CUX1: variants seen among roughly 807,000 people sequenced by gnomAD.
CUX1 encodes the protein protein CASP.
CUX1 carries 31 observed loss-of-function variants against 158.8 expected under a neutral mutation model. The ratio of observed to expected loss-of-function variants is 0.20; its 90% confidence interval spans 0.15 to 0.26. CUX1 has a LOEUF of 0.26. Among genes scored for constraint, CUX1 ranks in the 10% least tolerant of loss-of-function variants. CUX1 has a pLI of 1.00. For missense variants in CUX1, 1,589 were observed against 2,014.6 expected (o/e 0.79, Z 4.04); for synonymous variants, 879 against 862.1 (o/e 1.02, Z -0.34).
chr7:101,872,309 T>G (rs2131467913), intron 1 of CUX1, among the ~76,000 whole-genome samples: 1 of 152,100 alleles, frequency 6.6e-6, no homozygotes, highest in South Asian at 2.1e-4. Context: ...AATTTTTGTA[T>G]TTTTAGTAGA....
At chr7:102,178,769 C>T (rs111389141) in intron 11 of CUX1, 112 bp downstream of exon 11, 1 of 1,170,814 alleles carries the variant, frequency 8.5e-7, no homozygotes. Flanking sequence ...GTGTGGCAAC[C>T]TTGAACCTCT....
chr7:101,957,804 G>C (rs1809953570), intron 2 of CUX1, among the ~76,000 whole-genome samples: 1 of 152,166 alleles, frequency 6.6e-6, no homozygotes, highest in South Asian at 2.1e-4. Context: ...GTCCAAGTCT[G>C]CAAAATAGAG....
chr7:101,843,719 C>T (rs1324046609), intron 1 of CUX1, among the ~76,000 whole-genome samples: 8 of 152,126 alleles, frequency 5.3e-5, no homozygotes, highest in Non-Finnish European at 1.0e-4. Context: ...GACCTCGTTT[C>T]CTCCCTTCAG....
At chr7:102,127,206 T>C (rs782676719) in intron 8 of CUX1, among the ~76,000 whole-genome samples, 2 of 152,158 alleles carry the variant, frequency 1.3e-5, no homozygotes, top group Non-Finnish European at 2.9e-5. Flanking sequence ...GCTTTCTTTT[T>C]TCTTTTTTTT....
chr7:101,935,671 G>A (rs550417158), intron 2 of CUX1, among the ~76,000 whole-genome samples: 191 of 152,304 alleles, frequency 1.3e-3, no homozygotes, highest in Non-Finnish European at 2.3e-3. Context: ...GGGCTCTGGG[G>A]ATGTGTAGGA....
chr7:102,252,965 C>CT lies in CUX1; in HGVS notation c.*3924dup. The CT allele has an allele frequency of 1.0e-6, 1 of 985,426 alleles. No individual in the cohort carries two copies. The allele number at this position is 985,426 out of a possible 1,614,324, so 61.0% of individuals were successfully genotyped here. A position where few individuals can be genotyped will look rare whatever the true frequency, so the allele number is the denominator to read the frequency against. On this transcript the variant is annotated 3_prime_UTR_variant, in exon 24 of 24. Coordinates refer to ENST00000292535, the MANE Select transcript of CUX1 (RefSeq NM_181552.4). ...AGGGATGCATGCATGGGAGAACTCTCTGAGAAATGCCAGGATCGTGGCTCA... is the reference window on the plus strand; with the variant it reads ...AGGGATGCATGCATGGGAGAACTCTCTTGAGAAATGCCAGGATCGTGGCTCA...
intron 1 of CUX1, among the ~76,000 whole-genome samples, chr7:101,847,078 C>G (rs78019024): frequency 6.6e-6 from 1 of 152,022 alleles, no homozygotes; most frequent in Admixed American, 6.6e-5. Context: ...CAGGAGTTCG[C>G]GGCTGCAGCA....
At chr7:101,952,412 G>A (rs1302455291) in intron 2 of CUX1, among the ~76,000 whole-genome samples, 1 of 152,124 alleles carries the variant, frequency 6.6e-6, no homozygotes, top group African/African-American at 2.4e-5. Context: ...ACAGATTCTC[G>A]GGTCTACTCC....
At chr7:102,184,195 G>A (rs1350544333) in intron 11 of CUX1, among the ~76,000 whole-genome samples, 3 of 152,204 alleles carry the variant, frequency 2.0e-5, no homozygotes, top group Non-Finnish European at 2.9e-5. Context: ...ACCATGCCCT[G>A]CAGTAGATAG....
intron 15 of CUX1, among the ~76,000 whole-genome samples, chr7:102,197,545 A>G (rs944067515): frequency 2.6e-5 from 4 of 152,202 alleles, no homozygotes; most frequent in African/African-American, 7.2e-5. Context: ...AGGAAACCCT[A>G]TAGTATTTCA....
intron 1 of CUX1, among the ~76,000 whole-genome samples, chr7:101,877,722 C>T (rs1032241123): frequency 6.7e-6 from 1 of 149,288 alleles, no homozygotes; most frequent in Non-Finnish European, 1.5e-5. Flanking sequence ...GTGTTTCTTA[C>T]ACTTTTCAAA....
intron 22 of CUX1, 107 bp from the exon 23 acceptor site, chr7:102,239,213 T>C: frequency 7.6e-7 from 1 of 1,310,506 alleles, no homozygotes; most frequent in African/African-American, 1.5e-5. Flanking sequence ...AGATGCTCTA[T>C]GCAAAGTCCT....
chr7:102,020,026 C>G (rs1182682105), intron 2 of CUX1, among the ~76,000 whole-genome samples: 2 of 152,082 alleles, frequency 1.3e-5, no homozygotes, highest in Non-Finnish European at 2.9e-5. Context: ...GCTGGGTGGC[C>G]TATACACTGT....
At chr7:101,871,541 A>C (rs1444000499) in intron 1 of CUX1, among the ~76,000 whole-genome samples, 1 of 152,156 alleles carries the variant, frequency 6.6e-6, no homozygotes, top group East Asian at 1.9e-4. Context: ...GGGCACGTGC[A>C]CAGTGAGACA....
chr7:101,874,824 A>G (rs540115140), intron 1 of CUX1, among the ~76,000 whole-genome samples: 4 of 152,312 alleles, frequency 2.6e-5, no homozygotes, highest in Admixed American at 1.3e-4. Context: ...ATTGAAGACA[A>G]TTGCACCTAA....
At chr7:102,245,637 G>C (rs1800727756) in intron 23 of CUX1, among the ~76,000 whole-genome samples, 1 of 152,106 alleles carries the variant, frequency 6.6e-6, no homozygotes, top group Non-Finnish European at 1.5e-5. Flanking sequence ...TCTCTGCAAG[G>C]AAGATACCAT....
intron 2 of CUX1, among the ~76,000 whole-genome samples, chr7:101,962,376 C>G (rs769164030): frequency 1.3e-5 from 2 of 152,176 alleles, no homozygotes; most frequent in African/African-American, 4.8e-5. Context: ...CGGGATCTTC[C>G]GTTTAAGTTT....
intron 3 of CUX1, among the ~76,000 whole-genome samples, chr7:102,032,595 G>A (rs949960270): frequency 6.6e-6 from 1 of 152,096 alleles, no homozygotes; most frequent in African/African-American, 2.4e-5. Flanking sequence ...GTTGAACTCG[G>A]GAGGCAGAGG....
intron 1 of CUX1, among the ~76,000 whole-genome samples, chr7:101,833,089 C>G (rs193112106): frequency 3.9e-5 from 6 of 151,972 alleles, no homozygotes; most frequent in South Asian, 4.1e-4. Flanking sequence ...TTCGACTGAA[C>G]GTGAAGCGTT....
Sources: allele counts gnomAD v4.1 joint callset (sites outside exome capture counted in the v4.1 genomes callset), GRCh38; gene constraint gnomAD v4.1.1; transcripts MANE v1.5; gene names NCBI Gene and HGNC (gene_info 2026-07-23, HGNC 2026-07-21).